CMTM7: variants seen among roughly 807,000 people sequenced by gnomAD.
The protein encoded by CMTM7 is CKLF like MARVEL transmembrane domain containing 7, also known as CKLF-like MARVEL transmembrane domain-containing protein 7.
Under a neutral mutation model 19.3 loss-of-function variants are expected in CMTM7, and 7 were observed. That is an observed-to-expected ratio of 0.36 (90% CI 0.21 to 0.68). The LOEUF (loss-of-function observed/expected upper bound fraction) is 0.68. CMTM7 is among the 30% of genes least tolerant of loss of function. The pLI is 0.60. For synonymous variants in CMTM7, 87 were observed against 99.3 expected, an observed-to-expected ratio of 0.88 and a Z score of 0.74; for missense variants, 193 against 232.6, an observed-to-expected ratio of 0.83 and a Z score of 1.11.
intron 1 of CMTM7, among the ~76,000 whole-genome samples, chr3:32,435,261 G>A (rs1215118388): frequency 2.0e-5 from 3 of 151,748 alleles, no homozygotes; most frequent in Non-Finnish European, 2.9e-5. Context: ...AAAATTAGCC[G>A]GGCGTGGTGG....
At chr3:32,427,212 C>T (rs1297089625) in intron 1 of CMTM7, among the ~76,000 whole-genome samples, 2 of 152,246 alleles carry the variant, frequency 1.3e-5, no homozygotes, top group Non-Finnish European at 1.5e-5. Context: ...CTTCTCCAGA[C>T]TAGCTGAGTA....
intron 1 of CMTM7, among the ~76,000 whole-genome samples, chr3:32,422,208 A>G (rs1197984589): frequency 1.3e-5 from 2 of 152,062 alleles, no homozygotes; most frequent in Admixed American, 6.5e-5. Context: ...TGGCTTTTCT[A>G]TTCTTGTTTT....
intron 1 of CMTM7, among the ~76,000 whole-genome samples, chr3:32,403,043 C>G (rs746145986): frequency 1.3e-5 from 2 of 152,166 alleles, no homozygotes; most frequent in East Asian, 3.8e-4. Flanking sequence ...TTTCCTTATT[C>G]CCTGAGAAGC....
rs575504870 is a variant in CMTM7, at chr3:32,429,725, C to T, written c.160-12115C>T. On this transcript the variant is annotated intron_variant, in intron 1 of 4. Transcript: ENST00000334983. ...ACGCCATTCTCCTGCCTCAGCCTCCCGAGTAGCTGGGACTACAGGCGCCCG... is the reference window on the plus strand; with the variant it reads ...ACGCCATTCTCCTGCCTCAGCCTCCTGAGTAGCTGGGACTACAGGCGCCCG... Among the ~76,000 whole-genome samples, 294 of 151,856 alleles carry T rather than the reference C, an allele frequency of 1.9e-3. 1 individual carries two copies. The highest frequency in any genetic ancestry group is 6.4e-3 in the African/African-American group (265 of 41,378).
intron 4 of CMTM7, among the ~76,000 whole-genome samples, chr3:32,453,511 C>T (rs1696866527): frequency 6.6e-6 from 1 of 152,210 alleles, no homozygotes; most frequent in South Asian, 2.1e-4. Context: ...AGCATTAAGT[C>T]CATCGCATGA....
chr3:32,432,475 AC>A (rs930238837), intron 1 of CMTM7, among the ~76,000 whole-genome samples: 19 of 152,152 alleles, frequency 1.2e-4, no homozygotes, highest in Non-Finnish European at 1.9e-4. Context: ...AGGCTGGGGT[AC>A]CCTTTGGAGC....
chr3:32,426,131 G>C (rs1167191869), intron 1 of CMTM7, among the ~76,000 whole-genome samples: 1 of 152,152 alleles, frequency 6.6e-6, no homozygotes, highest in Non-Finnish European at 1.5e-5. Flanking sequence ...GGCAACAGGA[G>C]TGAAACTCCG....
chr3:32,402,759 T>G (rs1575108994), intron 1 of CMTM7, among the ~76,000 whole-genome samples: 1 of 151,824 alleles, frequency 6.6e-6, no homozygotes, highest in African/African-American at 2.4e-5. Context: ...TAGAGACAGG[T>G]TTCACCATGT....
Position 32,454,511 on chromosome 3 carries a change from T to C in CMTM7, c.*257T>C. On this transcript the variant is annotated 3_prime_UTR_variant, in exon 5 of 5. Coordinates refer to ENST00000334983, the MANE Select transcript of CMTM7 (RefSeq NM_138410.4). ...AGGAAAGCAGCCTCCAGGGAAATGTTTTCTGCCTTCCTGCTTCTAGAACCA... is the reference window on the plus strand; with the variant it reads ...AGGAAAGCAGCCTCCAGGGAAATGTCTTCTGCCTTCCTGCTTCTAGAACCA... The C allele has an allele frequency of 1.5e-6, 1 of 687,274 alleles. No individual in the cohort carries two copies. Among genetic ancestry groups the C allele is most frequent in the Non-Finnish European group, 2.7e-6 (1 of 375,824 alleles). 42.6% of individuals were successfully genotyped at this position (687,274 alleles called of 1,614,324 possible). A position where few individuals can be genotyped will look rare whatever the true frequency, so the allele number is the denominator to read the frequency against.
chr3:32,423,269 G>A (rs1022365902), intron 1 of CMTM7, among the ~76,000 whole-genome samples: 1 of 152,180 alleles, frequency 6.6e-6, no homozygotes, highest in Non-Finnish European at 1.5e-5. Context: ...GCACACATTG[G>A]GTGGTATGAG....
chr3:32,400,393 C>T (rs1695983694), intron 1 of CMTM7, among the ~76,000 whole-genome samples: 2 of 75,206 alleles, frequency 2.7e-5, no homozygotes, highest in African/African-American at 4.6e-5. Flanking sequence ...TTTTTTTCTT[C>T]TTCTTCTTTT....
At chr3:32,406,709 G>A (rs1696096528) in intron 1 of CMTM7, among the ~76,000 whole-genome samples, 1 of 152,208 alleles carries the variant, frequency 6.6e-6, no homozygotes, top group Non-Finnish European at 1.5e-5. Flanking sequence ...TAGATATGGG[G>A]ATTCTTGTGC....
chr3:32,444,361 G>A (rs1696723872), intron 2 of CMTM7, among the ~76,000 whole-genome samples: 1 of 152,150 alleles, frequency 6.6e-6, no homozygotes, highest in Non-Finnish European at 1.5e-5. Flanking sequence ...GAAATCAGTT[G>A]ACCATTAAAT....
At chr3:32,445,146 C>G (rs1302640034) in intron 2 of CMTM7, among the ~76,000 whole-genome samples, 5 of 152,138 alleles carry the variant, frequency 3.3e-5, no homozygotes, top group Non-Finnish European at 7.4e-5. Context: ...TAAACATGAT[C>G]TGCAAATAGA....
chr3:32,403,833 C>T (rs188684535), intron 1 of CMTM7, among the ~76,000 whole-genome samples: 1 of 152,232 alleles, frequency 6.6e-6, no homozygotes, highest in East Asian at 1.9e-4. Flanking sequence ...GATGGGCAGG[C>T]TGTGGCAGAT....
intron 1 of CMTM7, among the ~76,000 whole-genome samples, chr3:32,429,815 G>A (rs903764971): frequency 2.6e-5 from 4 of 152,122 alleles, no homozygotes; most frequent in Non-Finnish European, 2.9e-5. Context: ...TAGTCAGGAA[G>A]GTCTTGATCT....
chr3:32,392,677 A>G (rs1695857593), intron 1 of CMTM7, among the ~76,000 whole-genome samples: 2 of 152,170 alleles, frequency 1.3e-5, no homozygotes, highest in Non-Finnish European at 1.5e-5. Flanking sequence ...CCCGGGTCTC[A>G]GGGGGCTCTG....
intron 1 of CMTM7, among the ~76,000 whole-genome samples, chr3:32,418,803 A>C (rs1224184828): frequency 2.0e-5 from 3 of 152,208 alleles, no homozygotes; most frequent in Non-Finnish European, 4.4e-5. Context: ...ACTGTAACTT[A>C]ATAGTAAATC....
At chr3:32,406,097 T>C (rs1696087213) in intron 1 of CMTM7, among the ~76,000 whole-genome samples, 1 of 152,216 alleles carries the variant, frequency 6.6e-6, no homozygotes, top group Non-Finnish European at 1.5e-5. Flanking sequence ...GATAAGAGCA[T>C]ACCTACGCCC....
Sources: allele counts gnomAD v4.1 joint callset (sites outside exome capture counted in the v4.1 genomes callset), GRCh38; gene constraint gnomAD v4.1.1; transcripts MANE v1.5; gene names NCBI Gene and HGNC (gene_info 2026-07-23, HGNC 2026-07-21).